The following ZNF257 variants were observed in gnomAD, a reference collection of about 807,000 sequenced individuals.
ZNF257 encodes the protein bone marrow zinc finger 4.
A neutral mutation model predicts 11.9 loss-of-function variants in ZNF257; 12 were observed. The ratio of observed to expected loss-of-function variants is 1.01; its 90% confidence interval spans 0.65 to 1.63. ZNF257 has a LOEUF of 1.63. ZNF257 is among the 40% of genes most tolerant of loss of function. ZNF257 has a pLI of 0.00. For missense variants in ZNF257, 580 were observed against 665.5 expected, an observed-to-expected ratio of 0.87 and a Z score of 1.41; for synonymous variants, 183 against 222.7, an observed-to-expected ratio of 0.82 and a Z score of 1.59.
chr19:22,067,865 A>C, intron 1 of ZNF257, among the ~76,000 whole-genome samples: 1 of 91,042 alleles, frequency 1.1e-5, no homozygotes, highest in Non-Finnish European at 2.0e-5. Context: ...ATAAATGAGA[A>C]ACACAATTAT....
chr19:22,089,501 C>A lies in ZNF257; in HGVS notation c.*59C>A. Reference sequence around the variant, plus strand: ...CAAAGCTTTTAACTGTTCCTCAATCCTTACTAAACATAAGGGAATTCATAA... The same window carrying A: ...CAAAGCTTTTAACTGTTCCTCAATCATTACTAAACATAAGGGAATTCATAA... On this transcript the variant is annotated 3_prime_UTR_variant, in exon 4 of 4. Transcript: ENST00000594947. 1 of 1,546,324 alleles carries A rather than the reference C, an allele frequency of 6.5e-7. No individual in the cohort carries two copies. The highest frequency in any genetic ancestry group is 8.7e-7 in the Non-Finnish European group (1 of 1,148,898).
intron 1 of ZNF257, among the ~76,000 whole-genome samples, chr19:22,054,197 G>A (rs759523469): frequency 6.6e-6 from 1 of 151,266 alleles, no homozygotes; most frequent in Non-Finnish European, 1.5e-5. Flanking sequence ...CTCATCCTCC[G>A]GAGTAGCTGG....
Position 22,087,232 on chromosome 19 carries a change from TAA to T in ZNF257, c.227-735_227-734del, listed in dbSNP as rs879655185. On this transcript the variant is annotated intron_variant, in intron 3 of 3. Transcript: ENST00000594947. ...TTGTAATCTTTGAGACTGGGACATTTAAAAAAAAAAAGGCTACCTGTCACAAT... is the reference window on the plus strand; with the variant it reads ...TTGTAATCTTTGAGACTGGGACATTTAAAAAAAAAGGCTACCTGTCACAAT... Among the ~76,000 whole-genome samples, 3 of 146,430 alleles carry T rather than the reference TAA, an allele frequency of 2.0e-5. No individual in the cohort carries two copies. The Admixed American group carries it at 2.1e-4, about 10-fold the overall frequency.
At chr19:22,072,231 T>C (rs1168338947) in intron 1 of ZNF257, among the ~76,000 whole-genome samples, 1 of 152,176 alleles carries the variant, frequency 6.6e-6, no homozygotes, top group African/African-American at 2.4e-5. Flanking sequence ...AAGCTAGTTA[T>C]TTTTCTTTTC....
chr19:22,055,457 C>T (rs62112957), intron 1 of ZNF257, among the ~76,000 whole-genome samples: 19,667 of 152,068 alleles, frequency 0.13, 1,461 homozygotes, highest in Middle Eastern at 0.2. Context: ...CCACTCACCT[C>T]GGACTCCCAA....
chr19:22,088,782 C>T lies in ZNF257; in HGVS notation c.1032C>T (p.Phe344=), dbSNP rs2022548186. ...HKMIHTGEKP[F]QCEECGKAFN... ...TGATTCATACTGGAGAGAAACCCTT[C>T]CAATGTGAAGAGTGTGGCAAAGCTT... The change falls in exon 4 of 4, where the codon TTC becomes TTT. Residue 344 remains phenylalanine (F), a synonymous_variant. Transcript: ENST00000594947. The T allele has an allele frequency of 2.5e-6, 4 of 1,612,930 alleles. No homozygotes were observed. The highest frequency in any genetic ancestry group is 1.7e-4 in the Middle Eastern group (1 of 6,050).
chr19:22,082,793 A>G (rs975785669), intron 3 of ZNF257, among the ~76,000 whole-genome samples: 3 of 152,128 alleles, frequency 2.0e-5, no homozygotes, highest in Non-Finnish European at 4.4e-5. Flanking sequence ...TGTATTATAT[A>G]TTTTAGAACA....
At chr19:22,081,093 T>C (rs1312307378) in intron 3 of ZNF257, among the ~76,000 whole-genome samples, 1 of 151,772 alleles carries the variant, frequency 6.6e-6, no homozygotes, top group African/African-American at 2.4e-5. Context: ...TAACCAGCAT[T>C]GTCTCGAACT....
chr19:22,084,065 G>A (rs914150764), intron 3 of ZNF257, among the ~76,000 whole-genome samples: 5 of 151,694 alleles, frequency 3.3e-5, no homozygotes, highest in African/African-American at 1.2e-4. Flanking sequence ...GCTTGAACCC[G>A]GGAAGCAGAG....
At chr19:22,085,085 G>T (rs184920458) in intron 3 of ZNF257, among the ~76,000 whole-genome samples, 43 of 151,608 alleles carry the variant, frequency 2.8e-4, no homozygotes, top group African/African-American at 1.0e-3. Flanking sequence ...ACAGAGTCCT[G>T]CTCTGTTGCC....
chr19:22,053,954 G>A (rs1415562873), intron 1 of ZNF257, among the ~76,000 whole-genome samples: 1 of 151,964 alleles, frequency 6.6e-6, no homozygotes, highest in Non-Finnish European at 1.5e-5. Flanking sequence ...CAAAAACCAT[G>A]CATTTGAGTT....
chr19:22,087,911 A>C, intron 3 of ZNF257, 66 bp from the exon 4 acceptor site: 3 of 1,391,720 alleles, frequency 2.2e-6, no homozygotes, highest in Non-Finnish European at 2.8e-6. Context: ...TTTATAGGTT[A>C]GATTTGTAAA....
Position 22,053,366 on chromosome 19 carries a change from C to CAAAAA in ZNF257, c.3+755_3+759dup, listed in dbSNP as rs61426953. Among the ~76,000 whole-genome samples the CAAAAA allele has an allele frequency of 2.4e-4, 18 of 76,490 alleles. No individual in the cohort carries two copies. The East Asian group carries it at 2.6e-3, about 11-fold the overall frequency. The allele number at this position is 76,490 out of a possible 152,430, so 50.2% of individuals were successfully genotyped here. ...CTGAAGACAGAGCGAGACTCCGTCT[C>CAAAAA]AAAAAAAAAAAAAAAAAAAAAAAAA... On this transcript the variant is annotated intron_variant, in intron 1 of 3. Coordinates refer to ENST00000594947, the MANE Select transcript of ZNF257 (RefSeq NM_033468.4).
At chr19:22,055,486 G>A (rs550915341) in intron 1 of ZNF257, among the ~76,000 whole-genome samples, 2 of 152,202 alleles carry the variant, frequency 1.3e-5, no homozygotes, top group East Asian at 1.9e-4. Flanking sequence ...AATTACAGGC[G>A]TGAGCCACCG....
At chr19:22,067,948 AC>A (rs2021999315) in intron 1 of ZNF257, among the ~76,000 whole-genome samples, 1 of 151,906 alleles carries the variant, frequency 6.6e-6, no homozygotes, top group Non-Finnish European at 1.5e-5. Flanking sequence ...CATCAATTTA[AC>A]TAATAATGTG....
chr19:22,053,366 CAAAAAAAA>C (rs61426953), intron 1 of ZNF257, among the ~76,000 whole-genome samples: 6,637 of 76,454 alleles, frequency 0.087, 542 homozygotes, highest in African/African-American at 0.26. Flanking sequence ...GACTCCGTCT[CAAAAAAAA>C]AAAAAAAAAA....
At chr19:22,058,813 G>T (rs2043318) in intron 1 of ZNF257, among the ~76,000 whole-genome samples, 1 of 151,868 alleles carries the variant, frequency 6.6e-6, no homozygotes, top group African/African-American at 2.4e-5. Flanking sequence ...CAGTCACAAA[G>T]ACACCCACTA....
intron 3 of ZNF257, among the ~76,000 whole-genome samples, chr19:22,080,883 GTT>G (rs35481296): frequency 7.0e-6 from 1 of 143,208 alleles, no homozygotes; most frequent in African/African-American, 2.6e-5. Flanking sequence ...TATATAGTTG[GTT>G]TTTTTTTTTT....
chr19:22,052,688 C>T, intron 1 of ZNF257, 53 bp downstream of exon 1: 2 of 1,601,064 alleles, frequency 1.2e-6, no homozygotes, highest in Non-Finnish European at 8.5e-7. Context: ...TGGTTGGAAC[C>T]TGTGGGAAGT....
Sources: allele counts gnomAD v4.1 joint callset (sites outside exome capture counted in the v4.1 genomes callset), GRCh38; gene constraint gnomAD v4.1.1; transcripts MANE v1.5; gene names NCBI Gene and HGNC (gene_info 2026-07-23, HGNC 2026-07-21).